CNTNAP5: variants seen among roughly 807,000 people sequenced by gnomAD.
The protein encoded by CNTNAP5 is contactin associated protein family member 5.
CNTNAP5 carries 72 observed loss-of-function variants against 150.2 expected under a neutral mutation model. That is an observed-to-expected ratio of 0.48 (90% confidence interval 0.40 to 0.58). The LOEUF (loss-of-function observed/expected upper bound fraction) is 0.58, where lower values mean the gene tolerates loss of function less well. Ranked by LOEUF, CNTNAP5 falls within the 20% of genes least tolerant of loss-of-function variation. The pLI, the probability that CNTNAP5 is intolerant of heterozygous loss-of-function variation, is 0.00. For synonymous variants in CNTNAP5, 672 were observed against 619.8 expected (o/e 1.08, Z -1.25); for missense variants, 1,636 against 1,626.2 (o/e 1.01, Z -0.10).
At chr2:124,616,217 A>G (rs190788452) in intron 12 of CNTNAP5, among the ~76,000 whole-genome samples, 2 of 152,304 alleles carry the variant, frequency 1.3e-5, no homozygotes, top group East Asian at 3.9e-4. Flanking sequence ...TACCTCTGAT[A>G]ATCTTAGATG....
chr2:124,773,065 C>A, intron 17 of CNTNAP5, 48 bp downstream of exon 17: 1 of 1,463,592 alleles, frequency 6.8e-7, no homozygotes, highest in Non-Finnish European at 9.6e-7. Context: ...TGCAAGATCA[C>A]TGTGTGACCA....
At chr2:124,686,852 G>A (rs541652905) in intron 13 of CNTNAP5, among the ~76,000 whole-genome samples, 1 of 152,208 alleles carries the variant, frequency 6.6e-6, no homozygotes, top group South Asian at 2.1e-4. Context: ...GAAATTTATT[G>A]ACTTCCGATA....
At chr2:124,555,142 A>C (rs999904806) in intron 10 of CNTNAP5, among the ~76,000 whole-genome samples, 2 of 152,182 alleles carry the variant, frequency 1.3e-5, no homozygotes, top group Admixed American at 6.5e-5. Context: ...GAGAAAAGTG[A>C]AAATTACAAC....
intron 3 of CNTNAP5, among the ~76,000 whole-genome samples, chr2:124,307,912 C>A (rs1688731811): frequency 6.6e-6 from 1 of 152,162 alleles, no homozygotes. Context: ...CCACTCCAGG[C>A]CTGCTGGATC....
At chr2:124,027,962 C>G (rs1223118614) in intron 1 of CNTNAP5, among the ~76,000 whole-genome samples, 1 of 152,164 alleles carries the variant, frequency 6.6e-6, no homozygotes, top group Non-Finnish European at 1.5e-5. Context: ...TAGATTTCTA[C>G]TGACCACACT....
intron 11 of CNTNAP5, among the ~76,000 whole-genome samples, chr2:124,563,935 G>A (rs1042272463): frequency 6.6e-6 from 1 of 152,182 alleles, no homozygotes; most frequent in Non-Finnish European, 1.5e-5. Flanking sequence ...ATAAAGCCAC[G>A]TGGGCACACC....
chr2:124,567,055 G>A (rs889335724), intron 11 of CNTNAP5, among the ~76,000 whole-genome samples: 2 of 152,172 alleles, frequency 1.3e-5, no homozygotes, highest in African/African-American at 4.8e-5. Context: ...AATTTCTTGA[G>A]TATTCTCTTA....
chr2:124,724,883 G>T (rs764974909), intron 13 of CNTNAP5, among the ~76,000 whole-genome samples: 1 of 143,446 alleles, frequency 7.0e-6, no homozygotes, highest in Non-Finnish European at 1.5e-5. Context: ...TAATCCCTCA[G>T]CTTCAATCCC....
chr2:124,163,823 C>T (rs141348149), intron 1 of CNTNAP5, among the ~76,000 whole-genome samples: 363 of 151,380 alleles, frequency 2.4e-3, no homozygotes, highest in African/African-American at 8.2e-3. Context: ...CAAATCTTCT[C>T]TTTCTTTTAA....
intron 7 of CNTNAP5, 34 bp from the exon 8 acceptor site, chr2:124,504,258 G>A: frequency 1.3e-6 from 2 of 1,595,846 alleles, no homozygotes; most frequent in Non-Finnish European, 1.7e-6. Flanking sequence ...AATAAAAAAT[G>A]GCTTTTATAT....
intron 2 of CNTNAP5, among the ~76,000 whole-genome samples, chr2:124,236,714 T>C (rs1686755936): frequency 6.6e-6 from 1 of 152,116 alleles, no homozygotes; most frequent in Non-Finnish European, 1.5e-5. Context: ...TGTGAGAATA[T>C]GCTTGTAGTT....
chr2:124,189,032 A>G (rs541301638), intron 1 of CNTNAP5, among the ~76,000 whole-genome samples: 2 of 152,294 alleles, frequency 1.3e-5, no homozygotes, highest in South Asian at 4.1e-4. Context: ...CTCCTGCCAA[A>G]CAGACTGAAA....
At chr2:124,825,655 A>C (rs947001583) in intron 19 of CNTNAP5, among the ~76,000 whole-genome samples, 2 of 152,238 alleles carry the variant, frequency 1.3e-5, no homozygotes, top group African/African-American at 4.8e-5. Context: ...GTGGGAGGGG[A>C]GGATTATACT....
chr2:124,179,380 G>A (rs529794315), intron 1 of CNTNAP5, among the ~76,000 whole-genome samples: 106 of 152,084 alleles, frequency 7.0e-4, no homozygotes, highest in African/African-American at 2.4e-3. Flanking sequence ...GGCTGGTCTC[G>A]AACTCCTGAC....
At chr2:124,651,668 G>T (rs186207371) in intron 13 of CNTNAP5, among the ~76,000 whole-genome samples, 38 of 152,316 alleles carry the variant, frequency 2.5e-4, no homozygotes, top group African/African-American at 9.1e-4. Context: ...AGAGTTACAA[G>T]TAAATGAAGG....
At chr2:124,540,157 A>G (rs1000641417) in intron 10 of CNTNAP5, among the ~76,000 whole-genome samples, 2 of 152,160 alleles carry the variant, frequency 1.3e-5, no homozygotes, top group Non-Finnish European at 2.9e-5. Flanking sequence ...ATTATGACAA[A>G]ATGTTAGAAT....
At chr2:124,763,606 C>T (rs1398881662) in intron 14 of CNTNAP5, 66 bp from the exon 15 acceptor site, 2 of 1,497,000 alleles carry the variant, frequency 1.3e-6, no homozygotes, top group Non-Finnish European at 1.8e-6. Flanking sequence ...AAAGAGGGGT[C>T]ATGGAAAAGA....
intron 6 of CNTNAP5, among the ~76,000 whole-genome samples, chr2:124,454,947 A>G (rs1693083579): frequency 6.6e-6 from 1 of 152,160 alleles, no homozygotes; most frequent in South Asian, 2.1e-4. Context: ...AAAGTCTCAA[A>G]GAGCACAAGC....
chr2:124,790,141 G>T lies in CNTNAP5; in HGVS notation c.2992G>T (p.Glu998Ter). 1 of 1,610,384 alleles carries T rather than the reference G, an allele frequency of 6.2e-7. No homozygotes were observed. The highest frequency in any genetic ancestry group is 8.5e-7 in the Non-Finnish European group (1 of 1,178,016). ...TTATGAAGGGCCCTTTTGCAAAAAA[G>T]GTACCTTAGGCGCTCCTGTTTCTCC... ...SPYEGPFCKK[E>*]VSAVFEAGTS... The change falls in exon 18 of 24, where the codon GAG becomes TAG. Residue 998 changes from glutamate to a stop codon, truncating the protein, a stop_gained and splice_region_variant. Coordinates refer to ENST00000682447, the MANE Select transcript of CNTNAP5 (RefSeq NM_001367498.1). LOFTEE classifies it high-confidence loss of function.
Sources: gnomAD v4.1 joint callset for allele counts (sites outside exome capture counted in the v4.1 genomes callset) on GRCh38, gnomAD v4.1.1 for gene constraint, MANE v1.5 for transcripts, NCBI Gene and HGNC (gene_info 2026-07-23, HGNC 2026-07-21) for gene names.